The following NRG4 variants were observed in gnomAD, a reference collection of about 807,000 sequenced individuals.
The protein encoded by NRG4 is pro-neuregulin-4, membrane-bound isoform.
A neutral mutation model predicts 15.0 loss-of-function variants in NRG4; 10 were observed. The observed-to-expected ratio is 0.67, with a 90% confidence interval of 0.41 to 1.13. The LOEUF (loss-of-function observed/expected upper bound fraction) is 1.13. NRG4 is among the 50% of genes most tolerant of loss of function. NRG4 has a pLI of 0.00. For missense variants in NRG4, 139 were observed against 140.2 expected (o/e 0.99, Z 0.04); for synonymous variants, 41 against 50.1 (o/e 0.82, Z 0.77).
intron 4 of NRG4, among the ~76,000 whole-genome samples, chr15:76,039,165 T>C (rs1362152170): frequency 6.6e-6 from 1 of 152,120 alleles, no homozygotes; most frequent in East Asian, 1.9e-4. Context: ...AAGCCTAGAC[T>C]GAGAATACTG....
intron 3 of NRG4, among the ~76,000 whole-genome samples, chr15:75,991,452 A>G (rs1300712125): frequency 6.6e-6 from 1 of 152,212 alleles, no homozygotes; most frequent in African/African-American, 2.4e-5. Flanking sequence ...TCTTTGCCCT[A>G]TAAATTTTCA....
intron 5 of NRG4, among the ~76,000 whole-genome samples, chr15:76,031,787 A>G (rs1596044966): frequency 6.6e-6 from 1 of 152,196 alleles, no homozygotes; most frequent in Non-Finnish European, 1.5e-5. Context: ...CCCAGGAGGC[A>G]GAGGTTGCAG....
At chr15:76,056,941 A>C (rs1314629614) in intron 2 of NRG4, 1 of 152,240 alleles carries the variant, frequency 6.6e-6, no homozygotes, top group Non-Finnish European at 1.5e-5. Context: ...AACTAAAAGA[A>C]AATCTGACTT....
intron 5 of NRG4, among the ~76,000 whole-genome samples, chr15:76,035,305 C>G (rs1352789144): frequency 6.6e-6 from 1 of 152,220 alleles, no homozygotes; most frequent in Non-Finnish European, 1.5e-5. Context: ...CACCTCTGTC[C>G]TCTTTATCAG....
chr15:75,997,152 G>A (rs1567099910), intron 3 of NRG4, among the ~76,000 whole-genome samples: 2 of 151,826 alleles, frequency 1.3e-5, no homozygotes, highest in African/African-American at 4.8e-5. Flanking sequence ...AATCATTTCA[G>A]TAACATTTCT....
intron 5 of NRG4, among the ~76,000 whole-genome samples, chr15:76,025,742 T>G (rs542979331): frequency 4.5e-4 from 69 of 152,118 alleles, no homozygotes; most frequent in Admixed American, 1.1e-3. Context: ...CTTGGCATAC[T>G]GGTGGGTGCC....
chr15:76,019,431 T>C (rs1430033219), intron 5 of NRG4, among the ~76,000 whole-genome samples: 1 of 152,042 alleles, frequency 6.6e-6, no homozygotes, highest in Admixed American at 6.5e-5. Flanking sequence ...GCCACCCAGT[T>C]TGGTGTCTGC....
At chr15:76,024,088 G>T (rs1596036795) in intron 5 of NRG4, among the ~76,000 whole-genome samples, 1 of 152,216 alleles carries the variant, frequency 6.6e-6, no homozygotes, top group East Asian at 1.9e-4. Flanking sequence ...CAGAGCCTGA[G>T]AAACAGATTC....
intron 3 of NRG4, among the ~76,000 whole-genome samples, chr15:76,001,503 A>G (rs1200513215): frequency 6.6e-6 from 1 of 152,328 alleles, no homozygotes; most frequent in East Asian, 1.9e-4. Context: ...CAGTCACACT[A>G]GCCACATTTC....
intron 4 of NRG4, among the ~76,000 whole-genome samples, chr15:76,046,510 A>AC (rs1318903264): frequency 6.6e-6 from 1 of 151,226 alleles, no homozygotes; most frequent in Non-Finnish European, 1.5e-5. Context: ...AGACACATAG[A>AC]CCAATGGAAC....
intron 5 of NRG4, among the ~76,000 whole-genome samples, chr15:75,944,722 A>AT (rs1347883163): frequency 2.0e-5 from 3 of 151,344 alleles, no homozygotes; most frequent in African/African-American, 7.3e-5. Context: ...CTTTATTTTC[A>AT]TGACATATCT....
intron 5 of NRG4, among the ~76,000 whole-genome samples, chr15:76,021,981 G>A (rs1052852933): frequency 3.3e-5 from 5 of 152,264 alleles, no homozygotes; most frequent in Middle Eastern, 3.4e-3. Flanking sequence ...TAAAGAGCAC[G>A]CAATCTGGAT....
intron 4 of NRG4, among the ~76,000 whole-genome samples, chr15:75,956,319 T>G (rs1021233085): frequency 9.2e-5 from 14 of 152,180 alleles, no homozygotes; most frequent in African/African-American, 3.1e-4. Flanking sequence ...GCAAACCTGT[T>G]GTATCTTAAT....
intron 5 of NRG4, among the ~76,000 whole-genome samples, chr15:75,946,514 C>G (rs368430266): frequency 2.0e-5 from 3 of 152,138 alleles, no homozygotes; most frequent in Non-Finnish European, 4.4e-5. Flanking sequence ...CCCGCCACCA[C>G]GCCTGGCTAA....
At chr15:75,959,388 A>G (rs1259035266) in intron 4 of NRG4, among the ~76,000 whole-genome samples, 1 of 152,164 alleles carries the variant, frequency 6.6e-6, no homozygotes, top group African/African-American at 2.4e-5. Context: ...CTGGCTCTTT[A>G]TCTTATGAGC....
chr15:75,945,813 A>G (rs760268767), intron 5 of NRG4: 4 of 152,190 alleles, frequency 2.6e-5, no homozygotes, highest in Non-Finnish European at 5.9e-5. Context: ...CCTCTTCTCC[A>G]TGGGGGATAC....
At chr15:75,963,232 C>T (rs941305355) in intron 3 of NRG4, among the ~76,000 whole-genome samples, 2 of 152,018 alleles carry the variant, frequency 1.3e-5, no homozygotes, top group Non-Finnish European at 2.9e-5. Context: ...CTTCCCGGGG[C>T]GGTATCAGTT....
intron 4 of NRG4, among the ~76,000 whole-genome samples, chr15:75,959,753 G>C (rs2032425600): frequency 6.6e-6 from 1 of 152,062 alleles, no homozygotes; most frequent in African/African-American, 2.4e-5. Flanking sequence ...CTCTCACTTG[G>C]GAATACAGAC....
At position 75,941,014 on chromosome 15, in the gene NRG4, G is replaced by A. The variant is rs1232968529; in HGVS notation, c.*2624C>T. ...AGTAAAAAGATTACCTATGGAGTGGGAGGAAATAATATGCAGTTCACGTAC... is the reference window on the plus strand; with the variant it reads ...AGTAAAAAGATTACCTATGGAGTGGAAGGAAATAATATGCAGTTCACGTAC... On this transcript the variant is annotated 3_prime_UTR_variant, in exon 6 of 6. Coordinates refer to ENST00000394907, the MANE Select transcript of NRG4 (RefSeq NM_138573.4). 1 of 152,112 alleles carries A rather than the reference G, an allele frequency of 6.6e-6. No individual in the cohort carries two copies. Among genetic ancestry groups the A allele is most frequent in the African/African-American group, 2.4e-5 (1 of 41,436 alleles). The allele number at this position is 152,112 out of a possible 1,614,324, so 9.4% of individuals were successfully genotyped here.
Sources: allele counts gnomAD v4.1 joint callset (sites outside exome capture counted in the v4.1 genomes callset), GRCh38; gene constraint gnomAD v4.1.1; transcripts MANE v1.5; gene names NCBI Gene and HGNC (gene_info 2026-07-23, HGNC 2026-07-21).